Variants in ABHD18 observed in about 807,000 individuals in gnomAD.
ABHD18 encodes the protein abhydrolase domain containing 18.
A neutral mutation model predicts 65.9 loss-of-function variants in ABHD18; 55 were observed. That is an observed-to-expected ratio of 0.84 (90% CI 0.67 to 1.05). ABHD18 has a LOEUF of 1.05. Among genes scored for constraint, ABHD18 ranks in the 50% least tolerant of loss-of-function variants. The pLI is 0.00. For missense variants in ABHD18, 533 were observed against 558.5 expected (o/e 0.95, Z 0.46); for synonymous variants, 181 against 180.2 (o/e 1.00, Z -0.04).
chr4:128,028,924 C>T (rs1250793995), intron 11 of ABHD18, 71 bp downstream of exon 11: 8 of 1,194,356 alleles, frequency 6.7e-6, no homozygotes, highest in African/African-American at 3.1e-5. Context: ...TTAAAAGATG[C>T]TCTATAAGAT....
chr4:128,023,297 G>A (rs1227948690), intron 10 of ABHD18, among the ~76,000 whole-genome samples: 2 of 150,418 alleles, frequency 1.3e-5, no homozygotes, highest in African/African-American at 4.9e-5. Flanking sequence ...CAGGCGTGGT[G>A]GCACATGCCT....
At chr4:127,988,748 G>A (rs1345251541) in intron 3 of ABHD18, among the ~76,000 whole-genome samples, 1 of 152,100 alleles carries the variant, frequency 6.6e-6, no homozygotes, top group Non-Finnish European at 1.5e-5. Context: ...AGTTAAAATG[G>A]CTTTTATCCA....
At chr4:127,986,527 T>G (rs545174646) in intron 3 of ABHD18, among the ~76,000 whole-genome samples, 1 of 152,260 alleles carries the variant, frequency 6.6e-6, no homozygotes, top group Non-Finnish European at 1.5e-5. Flanking sequence ...CTATGAATAC[T>G]CAAGTATGAG....
At chr4:128,011,054 A>T (rs1754446451) in intron 6 of ABHD18, among the ~76,000 whole-genome samples, 1 of 152,176 alleles carries the variant, frequency 6.6e-6, no homozygotes, top group African/African-American at 2.4e-5. Flanking sequence ...TAAAAAATAA[A>T]CTTCATTTTA....
At chr4:127,982,450 T>C (rs145852733) in intron 1 of ABHD18, among the ~76,000 whole-genome samples, 1 of 152,278 alleles carries the variant, frequency 6.6e-6, no homozygotes, top group Non-Finnish European at 1.5e-5. Flanking sequence ...GTACCTGGGA[T>C]TGAATCTTAG....
At chr4:128,010,546 A>G (rs1161722018) in intron 6 of ABHD18, among the ~76,000 whole-genome samples, 2 of 151,654 alleles carry the variant, frequency 1.3e-5, no homozygotes, top group African/African-American at 4.8e-5. Flanking sequence ...AAGAAAGAAA[A>G]GGAAATAGGA....
At chr4:127,974,997 CAAAAAAA>C (rs34068699) in intron 1 of ABHD18, among the ~76,000 whole-genome samples, 1 of 88,286 alleles carries the variant, frequency 1.1e-5, no homozygotes, top group Non-Finnish European at 2.1e-5. Context: ...AACTGTGTCT[CAAAAAAA>C]AAAAAAAAAA....
At chr4:128,025,070 T>A (rs1168763629) in intron 10 of ABHD18, among the ~76,000 whole-genome samples, 1 of 152,140 alleles carries the variant, frequency 6.6e-6, no homozygotes, top group Non-Finnish European at 1.5e-5. Flanking sequence ...AATAGATACA[T>A]ATAGTGAAAA....
chr4:128,021,864 C>A (rs1392890824), intron 10 of ABHD18, among the ~76,000 whole-genome samples: 3 of 152,088 alleles, frequency 2.0e-5, no homozygotes, highest in Non-Finnish European at 2.9e-5. Flanking sequence ...TAATCGTTAT[C>A]CTTATGTTTA....
At chr4:127,978,206 T>G (rs569598195) in intron 1 of ABHD18, among the ~76,000 whole-genome samples, 1 of 152,122 alleles carries the variant, frequency 6.6e-6, no homozygotes, top group Admixed American at 6.6e-5. Flanking sequence ...ACTTCTAGAT[T>G]TTTATTTTTG....
At chr4:128,013,779 A>C (rs1754994248) in intron 7 of ABHD18, among the ~76,000 whole-genome samples, 1 of 152,096 alleles carries the variant, frequency 6.6e-6, no homozygotes, top group South Asian at 2.1e-4. Flanking sequence ...TCAAGTAGGC[A>C]GTTGGAAAGT....
At chr4:127,967,718 A>G (rs1412586713) in intron 1 of ABHD18, among the ~76,000 whole-genome samples, 1 of 151,996 alleles carries the variant, frequency 6.6e-6, no homozygotes, top group East Asian at 1.9e-4. Context: ...GAAAAAAAAA[A>G]AAAGAAAATG....
chr4:128,030,638 A>G lies in ABHD18; in HGVS notation c.1309A>G (p.Ile437Val). 1 of 1,601,654 alleles carries G rather than the reference A, an allele frequency of 6.2e-7. No homozygotes were observed. Among genetic ancestry groups the G allele is most frequent in the Non-Finnish European group, 8.5e-7 (1 of 1,177,716 alleles). Residue 437 changes from isoleucine (I) to valine (V), a missense_variant, in exon 12 of 13, where the codon ATT becomes GTT. Coordinates refer to ENST00000645843, the MANE Select transcript of ABHD18 (RefSeq NM_001358451.3). ...CEIRYLEGGH[I>V]SAYLFKQGLF... is the part of the protein sequence containing the mutation. ...AATCCGATACTTAGAAGGGGGTCAT[A>G]TTAGTGCTTATCTTTTTAAACAAGG...
At chr4:128,024,987 C>T (rs764436858) in intron 10 of ABHD18, among the ~76,000 whole-genome samples, 23 of 152,042 alleles carry the variant, frequency 1.5e-4, no homozygotes, top group South Asian at 2.1e-4. Context: ...CCACTGCGCC[C>T]GGCCAACCAA....
At chr4:127,984,937 G>A (rs1560839568) in intron 3 of ABHD18, among the ~76,000 whole-genome samples, 1 of 152,164 alleles carries the variant, frequency 6.6e-6, no homozygotes, top group Non-Finnish European at 1.5e-5. Flanking sequence ...ACATATATTG[G>A]AAGCATATGT....
chr4:127,976,402 A>C (rs977006741), intron 1 of ABHD18, among the ~76,000 whole-genome samples: 2 of 152,214 alleles, frequency 1.3e-5, no homozygotes, highest in Non-Finnish European at 1.5e-5. Flanking sequence ...ATTACAAAAA[A>C]TTATACTCAG....
chr4:128,036,037 T>C lies in ABHD18; in HGVS notation c.*224T>C. 2.8e-6 allele frequency: 1 copy of C among 362,270 alleles called. No homozygotes were observed. 22.4% of individuals were successfully genotyped at this position (362,270 alleles called of 1,614,324 possible). A position where few individuals can be genotyped will look rare whatever the true frequency, so the allele number is the denominator to read the frequency against. ...TAATGTTAAAGTGTTTTTACTATTG[T>C]TTATTGGAATCCCATATATTCAGTG... On this transcript the variant is annotated 3_prime_UTR_variant, in exon 13 of 13. Transcript: ENST00000645843.
At position 128,020,124 on chromosome 4, in the gene ABHD18, G is replaced by T; in HGVS notation, c.654G>T (p.Leu218Phe). 6.2e-7 allele frequency: 1 copy of T among 1,613,680 alleles called. No homozygotes were observed. The highest frequency in any genetic ancestry group is 8.5e-7 in the Non-Finnish European group (1 of 1,179,748). Residue 218 changes from leucine (L) to phenylalanine (F), a missense_variant, in exon 9 of 13, where the codon TTG becomes TTT. Physicochemically the swap from Leu to Phe is conservative, Grantham distance 22. Around this residue, in one of 3 missense-constraint regions of ABHD18, gnomAD observed 309 missense variants for 313.5 expected, o/e 0.99. Coordinates refer to ENST00000645843, the MANE Select transcript of ABHD18 (RefSeq NM_001358451.3). ...CCAACTGGCCTAAGCCCATGCCATT[G>T]ATTCCATGCCTGTCTTGGTCCACAG... is the stretch of plus-strand genomic sequence containing the variant. ...AVSNWPKPMP[L>F]IPCLSWSTAS... is the part of the protein sequence containing the mutation.
chr4:128,003,948 TA>T (rs70966066), intron 4 of ABHD18, among the ~76,000 whole-genome samples: 47 of 134,270 alleles, frequency 3.5e-4, no homozygotes, highest in Non-Finnish European at 4.3e-4. Context: ...TGTCTCGATT[TA>T]AAAAAAAAAA....
Sources: allele counts gnomAD v4.1 joint callset (sites outside exome capture counted in the v4.1 genomes callset), GRCh38; gene constraint gnomAD v4.1.1; regional missense constraint gnomAD v4.1.1; transcripts MANE v1.5; gene names NCBI Gene and HGNC (gene_info 2026-07-23, HGNC 2026-07-21).